LONP1: variants seen among roughly 807,000 people sequenced by gnomAD.
LONP1 encodes the protein lon protease homolog, mitochondrial.
LONP1 carries 31 observed loss-of-function variants against 98.5 expected under a neutral mutation model. The ratio of observed to expected loss-of-function variants is 0.31; its 90% confidence interval spans 0.24 to 0.42. LONP1 has a LOEUF of 0.42. LONP1 is among the 20% of genes least tolerant of loss of function. The probability of loss-of-function intolerance (pLI) is 1.00; values close to 1 mark genes in which losing one functional copy is unlikely to be tolerated. For synonymous variants in LONP1, 781 were observed against 594.7 expected (o/e 1.31, Z -4.56); for missense variants, 1,336 against 1,350.6 (o/e 0.99, Z 0.17).
intron 8 of LONP1, among the ~76,000 whole-genome samples, chr19:5,703,013 A>AT (rs1473458317): frequency 2.0e-4 from 30 of 149,222 alleles, no homozygotes; most frequent in Non-Finnish European, 4.2e-4. Context: ...AGAATGATCA[A>AT]TAAAAAAAAA....
chr19:5,715,194 ATTGAT>A (rs2055296325), intron 1 of LONP1, among the ~76,000 whole-genome samples: 1 of 152,086 alleles, frequency 6.6e-6, no homozygotes, highest in Admixed American at 6.6e-5. Flanking sequence ...GAACCCAGAA[ATTGAT>A]TTAACATCCA....
chr19:5,696,805 C>T (rs2054939542), intron 10 of LONP1, 48 bp from the exon 11 acceptor site: 3 of 1,321,768 alleles, frequency 2.3e-6, no homozygotes, highest in Non-Finnish European at 3.2e-6. Context: ...CCTGGCTCGG[C>T]CACAACGACA....
intron 5 of LONP1, 124 bp from the exon 6 acceptor site, chr19:5,707,950 G>T: frequency 8.9e-7 from 1 of 1,123,304 alleles, no homozygotes; most frequent in Non-Finnish European, 1.3e-6. Context: ...GTCTAGGGGT[G>T]CTCGCTGGGA....
chr19:5,720,375 C>A, upstream of LONP1: 1 of 614,010 alleles, frequency 1.6e-6, no homozygotes, highest in Non-Finnish European at 2.7e-6. Context: ...TGTGAGCAGG[C>A]GCCAGCGCCC....
rs1012989795 is a variant in LONP1, at chr19:5,709,944, C to T, written c.871-1541G>A. ...AAAAAAAAAAAAAAAAGAACAAGTTCGCTGCCCCTAAGGGGTCTTGCCAGT... is the reference window on the plus strand; with the variant it reads ...AAAAAAAAAAAAAAAAGAACAAGTTTGCTGCCCCTAAGGGGTCTTGCCAGT... On this transcript the variant is annotated intron_variant, in intron 4 of 17. Transcript: ENST00000360614. 1.8e-4 allele frequency among the ~76,000 whole-genome samples: 26 copies of T among 145,772 alleles called. No homozygotes were observed. The East Asian group carries it at 2.0e-3, about 11-fold the overall frequency.
rs373173786 is a variant in LONP1, at chr19:5,700,869, C to T, written c.1426G>A (p.Glu476Lys). 3.2e-5 allele frequency: 51 copies of T among 1,614,088 alleles called. No individual in the cohort carries two copies. The highest frequency in any genetic ancestry group is 4.2e-5 in the Non-Finnish European group (49 of 1,180,042). Residue 476 changes from glutamate (E) to lysine (K), a missense_variant, in exon 9 of 18, where the codon GAG becomes AAG. This residue lies in a region of LONP1 where 219 missense variants were observed against 241.0 expected (regional missense o/e 0.91). Coordinates refer to ENST00000360614, the MANE Select transcript of LONP1 (RefSeq NM_004793.4). ...TSIPWGKYSN[E>K]NLDLARAQAV... ...TGTGCCCGCGCCAGGTCCAGGTTCT[C>T]GTTGCTGTACTTGCCCCAAGGGATG...
At position 5,715,669 on chromosome 19, in the gene LONP1, A is replaced by G. The variant is rs1229659814; in HGVS notation, c.430-1398T>C. ...AAAAAAAAAAAAAAAAAAAAAAAAA[A>G]AAAAAAAAAAGAAAGTTTCACTCTG... On this transcript the variant is annotated intron_variant, in intron 1 of 17. Coordinates refer to ENST00000360614, the MANE Select transcript of LONP1 (RefSeq NM_004793.4). Among the ~76,000 whole-genome samples, 3 of 134,164 alleles carry G rather than the reference A, an allele frequency of 2.2e-5. No homozygotes were observed. In the East Asian group the frequency reaches 6.1e-4, roughly 27 times the overall value. The allele number at this position is 134,164 out of a possible 152,430, so 88.0% of individuals were successfully genotyped here.
upstream of LONP1, chr19:5,720,385 C>A (rs2055425858): frequency 8.4e-6 from 5 of 596,872 alleles, no homozygotes; most frequent in Admixed American, 1.4e-4. Context: ...CGCCAGCGCC[C>A]GTACAAAACA....
chr19:5,720,159 A>T, upstream of LONP1: 1 of 1,388,870 alleles, frequency 7.2e-7, no homozygotes. Flanking sequence ...CGGCTCACAC[A>T]ACTCGCGTCA....
chr19:5,698,905 A>C, intron 10 of LONP1, 122 bp downstream of exon 10: 1 of 1,009,060 alleles, frequency 9.9e-7, no homozygotes, highest in Non-Finnish European at 1.4e-6. Flanking sequence ...CTCCAGCATG[A>C]GTGGAATCGG....
chr19:5,708,001 C>T (rs887507642), intron 5 of LONP1, 175 bp from the exon 6 acceptor site: 7 of 741,258 alleles, frequency 9.4e-6, no homozygotes, highest in South Asian at 3.7e-5. Context: ...AGGGCCCACC[C>T]GTCCTGGGCT....
chr19:5,692,245 G>C (rs1185321821), intron 17 of LONP1, 37 bp from the exon 18 acceptor site: 1 of 1,576,002 alleles, frequency 6.3e-7, no homozygotes, highest in African/African-American at 1.4e-5. Context: ...GCCTGGGCCT[G>C]TGGGAGGGCA....
chr19:5,714,487 T>C (rs2055283717), intron 1 of LONP1, among the ~76,000 whole-genome samples: 1 of 151,744 alleles, frequency 6.6e-6, no homozygotes, highest in Admixed American at 6.6e-5. Context: ...TTATTTTTAG[T>C]AGAGATGGGG....
At chr19:5,708,226 T>A (rs1422584428) in intron 5 of LONP1, 116 bp downstream of exon 5, 3 of 1,093,868 alleles carry the variant, frequency 2.7e-6, no homozygotes, top group Admixed American at 4.0e-5. Context: ...AGGCCACTCC[T>A]TGGGGCAGGC....
Position 5,696,066 on chromosome 19 carries a change from C to T in LONP1, c.2001G>A (p.Leu667=), listed in dbSNP as rs980974731. ...NVSGYVAQEK[L]AIAERYLVPQ... is the part of the protein sequence containing the mutation. ...GGGCTGGGCTTACCTCCGCAATGGCCAGCTTCTCCTGGGCCACGTAGCCCG... is the reference window on the plus strand; with the variant it reads ...GGGCTGGGCTTACCTCCGCAATGGCTAGCTTCTCCTGGGCCACGTAGCCCG... Residue 667 remains leucine, a synonymous_variant, in exon 13 of 18, where the codon CTG becomes CTA. Coordinates refer to ENST00000360614, the MANE Select transcript of LONP1 (RefSeq NM_004793.4). The T allele has an allele frequency of 1.2e-6, 2 of 1,612,442 alleles. No individual in the cohort carries two copies. Among genetic ancestry groups the T allele is most frequent in the African/African-American group, 1.3e-5 (1 of 74,928 alleles).
At chr19:5,707,278 A>T in intron 6 of LONP1, 135 bp from the exon 7 acceptor site, 1 of 700,636 alleles carries the variant, frequency 1.4e-6, no homozygotes, top group East Asian at 2.7e-5. Flanking sequence ...GCACAGAGGC[A>T]TGTGTGCCCT....
intron 17 of LONP1, 146 bp downstream of exon 17, chr19:5,693,152 G>T: frequency 2.0e-6 from 2 of 986,582 alleles, no homozygotes; most frequent in Non-Finnish European, 1.5e-6. Context: ...TGAGCTTAAG[G>T]CCAGCTCCAG....
At chr19:5,702,387 C>T (rs561362611) in intron 8 of LONP1, among the ~76,000 whole-genome samples, 147 of 148,758 alleles carry the variant, frequency 9.9e-4, no homozygotes, top group South Asian at 1.7e-3. Flanking sequence ...CCAGCCGCCC[C>T]GTCCGGGAGG....
chr19:5,691,985 G>A lies in LONP1; in HGVS notation c.*47C>T, dbSNP rs1338360903. 1.9e-6 allele frequency: 3 copies of A among 1,585,238 alleles called. No homozygotes were observed. The highest frequency in any genetic ancestry group is 3.5e-5 in the Admixed American group (2 of 57,738). On this transcript the variant is annotated 3_prime_UTR_variant, in exon 18 of 18. Coordinates refer to ENST00000360614, the MANE Select transcript of LONP1 (RefSeq NM_004793.4). ...GCGCTCCCCACAGCGCTCAGTTCTG[G>A]CCCAGACAGGGCCTGACATCCGCCG...
Sources: allele counts gnomAD v4.1 joint callset (sites outside exome capture counted in the v4.1 genomes callset), GRCh38; gene constraint gnomAD v4.1.1; regional missense constraint gnomAD v4.1.1; transcripts MANE v1.5; gene names NCBI Gene and HGNC (gene_info 2026-07-23, HGNC 2026-07-21).